TANC2: variants seen among roughly 807,000 people sequenced by gnomAD.
TANC2 encodes protein TANC2.
TANC2 carries 26 observed loss-of-function variants against 210.5 expected under a neutral mutation model. The observed-to-expected ratio is 0.12, with a 90% CI of 0.09 to 0.17. The LOEUF (loss-of-function observed/expected upper bound fraction) is 0.17. TANC2 is among the 10% of genes least tolerant of loss of function. The probability of loss-of-function intolerance (pLI) is 1.00; values close to 1 mark genes in which losing one functional copy is unlikely to be tolerated. For synonymous variants in TANC2, 931 were observed against 967.1 expected, an observed-to-expected ratio of 0.96 and a Z score of 0.69; for missense variants, 2,129 against 2,608.9, an observed-to-expected ratio of 0.82 and a Z score of 4.01.
intron 9 of TANC2, among the ~76,000 whole-genome samples, chr17:63,270,190 C>A (rs2043655860): frequency 6.6e-6 from 1 of 151,924 alleles, no homozygotes; most frequent in Non-Finnish European, 1.5e-5. Flanking sequence ...ATTTAGAGTC[C>A]CTGAACAATA....
intron 3 of TANC2, among the ~76,000 whole-genome samples, chr17:63,078,700 G>T (rs973887010): frequency 6.6e-6 from 1 of 152,062 alleles, no homozygotes; most frequent in South Asian, 2.1e-4. Flanking sequence ...AAGTTTTTCA[G>T]ATATCTTTCT....
intron 5 of TANC2, among the ~76,000 whole-genome samples, chr17:63,172,797 A>C (rs565874592): frequency 6.6e-6 from 1 of 152,330 alleles, no homozygotes; most frequent in East Asian, 1.9e-4. Context: ...TTCTCTTTAG[A>C]CTTTCTAATT....
intron 1 of TANC2, among the ~76,000 whole-genome samples, chr17:62,982,473 T>C (rs2143442363): frequency 6.6e-6 from 1 of 152,328 alleles, no homozygotes; most frequent in Non-Finnish European, 1.5e-5. Flanking sequence ...TCCTTTGAAT[T>C]TATTTCCTTC....
chr17:63,063,902 T>G (rs1423159575), intron 2 of TANC2, among the ~76,000 whole-genome samples: 1 of 152,168 alleles, frequency 6.6e-6, no homozygotes, highest in Non-Finnish European at 1.5e-5. Flanking sequence ...TAAGGTGTCT[T>G]CCATCAGTGT....
intron 4 of TANC2, among the ~76,000 whole-genome samples, chr17:63,107,510 T>A (rs918238141): frequency 6.6e-6 from 1 of 151,736 alleles, no homozygotes; most frequent in Admixed American, 6.6e-5. Context: ...AGAAAACATA[T>A]GTTCACACCA....
At chr17:63,028,672 T>C (rs1598281069) in intron 2 of TANC2, among the ~76,000 whole-genome samples, 1 of 152,124 alleles carries the variant, frequency 6.6e-6, no homozygotes, top group East Asian at 1.9e-4. Context: ...AAAAGGAAAG[T>C]CAGAGTGCCC....
chr17:63,421,010 T>G lies in TANC2; in HGVS notation c.5280T>G (p.His1760Gln), dbSNP rs2049008835. 2 of 1,613,984 alleles carry G rather than the reference T, an allele frequency of 1.2e-6. No individual in the cohort carries two copies. Among genetic ancestry groups the G allele is most frequent in the Non-Finnish European group, 1.7e-6 (2 of 1,179,884 alleles). Reference sequence around the variant, plus strand: ...TAGGGGATGGAAGGCCGGTGCAGCATGTCCAAGCCAGCCTGAGTGCAGGCG... The same window carrying G: ...TAGGGGATGGAAGGCCGGTGCAGCAGGTCCAAGCCAGCCTGAGTGCAGGCG... Residue 1760 changes from histidine to glutamine, a missense_variant, in exon 28 of 28, where the codon CAT becomes CAG. Coordinates refer to ENST00000689528, the Ensembl canonical transcript of TANC2. The surrounding 1 kb of genome is among the most constrained non-coding windows in gnomAD (Gnocchi z 6.9).
At chr17:63,258,213 G>A (rs1380821125) in intron 8 of TANC2, among the ~76,000 whole-genome samples, 2 of 152,150 alleles carry the variant, frequency 1.3e-5, no homozygotes, top group East Asian at 3.9e-4. Context: ...CCACTGAGAA[G>A]TCTGTTGCCA....
At chr17:63,207,427 G>A (rs1017480974) in intron 7 of TANC2, among the ~76,000 whole-genome samples, 1 of 151,878 alleles carries the variant, frequency 6.6e-6, no homozygotes, top group Admixed American at 6.6e-5. Context: ...GTGTTAGCCA[G>A]GATAGTCTTG....
intron 1 of TANC2, among the ~76,000 whole-genome samples, chr17:62,998,805 T>G (rs1477296462): frequency 6.6e-6 from 1 of 152,106 alleles, no homozygotes; most frequent in Non-Finnish European, 1.5e-5. Context: ...AAAACACACT[T>G]AAGTACATAG....
At chr17:63,118,006 T>A (rs2038317393) in intron 4 of TANC2, among the ~76,000 whole-genome samples, 1 of 152,224 alleles carries the variant, frequency 6.6e-6, no homozygotes, top group African/African-American at 2.4e-5. Flanking sequence ...AGAATATGCA[T>A]TGCAGAGAAG....
At chr17:63,365,767 G>C (rs965840241) in intron 14 of TANC2, among the ~76,000 whole-genome samples, 1 of 151,918 alleles carries the variant, frequency 6.6e-6, no homozygotes, top group African/African-American at 2.4e-5. Context: ...CACATAGAAA[G>C]ATCTCTCACT....
chr17:63,005,483 A>G (rs1020958229), intron 1 of TANC2, among the ~76,000 whole-genome samples: 7 of 147,392 alleles, frequency 4.7e-5, no homozygotes, highest in Non-Finnish European at 1.0e-4. Context: ...AAAAATAACA[A>G]AAAAAAAAGC....
At chr17:63,160,258 G>A (rs1275700356) in intron 5 of TANC2, among the ~76,000 whole-genome samples, 2 of 152,210 alleles carry the variant, frequency 1.3e-5, no homozygotes, top group African/African-American at 4.8e-5. Context: ...AAAGGCGATA[G>A]ACTGGGCACA....
chr17:63,372,789 T>C (rs778526889), intron 14 of TANC2, among the ~76,000 whole-genome samples: 4 of 152,108 alleles, frequency 2.6e-5, no homozygotes, highest in Non-Finnish European at 5.9e-5. Context: ...TAAGGTGATA[T>C]TATATAAGCT....
intron 1 of TANC2, among the ~76,000 whole-genome samples, chr17:63,001,525 C>A (rs1479977498): frequency 7.4e-6 from 1 of 135,078 alleles, no homozygotes. Context: ...TTTTTCTTTT[C>A]TTTTCTTTTT....
intron 1 of TANC2, among the ~76,000 whole-genome samples, chr17:62,986,187 G>T (rs898810524): frequency 1.3e-5 from 2 of 152,184 alleles, no homozygotes; most frequent in Admixed American, 6.5e-5. Flanking sequence ...TGGCAGTAGT[G>T]GTGTGGCTTT....
chr17:63,014,565 A>T (rs964523309), intron 2 of TANC2, among the ~76,000 whole-genome samples: 1 of 151,936 alleles, frequency 6.6e-6, no homozygotes, highest in Non-Finnish European at 1.5e-5. Flanking sequence ...CTCTGAACTA[A>T]TTTTTCCGAG....
chr17:63,000,419 C>G (rs1598220252), intron 1 of TANC2, among the ~76,000 whole-genome samples: 1 of 152,126 alleles, frequency 6.6e-6, no homozygotes, highest in East Asian at 1.9e-4. Context: ...GAGGGATGAA[C>G]ATTGAAAATG....
Sources: allele counts gnomAD v4.1 joint callset (sites outside exome capture counted in the v4.1 genomes callset), GRCh38; gene constraint gnomAD v4.1.1; non-coding constraint Gnocchi (gnomAD v3.1); transcripts MANE v1.5; gene names NCBI Gene and HGNC (gene_info 2026-07-23, HGNC 2026-07-21).